The following RYR2 variants were observed in gnomAD, a reference collection of about 807,000 sequenced individuals.
RYR2 encodes the protein ryanodine receptor 2, also known as cardiac muscle ryanodine receptor-calcium release channel.
RYR2 carries 227 observed loss-of-function variants against 601.1 expected under a neutral mutation model. The ratio of observed to expected loss-of-function variants is 0.38; its 90% CI spans 0.34 to 0.42. The LOEUF is 0.42. Among genes scored for constraint, RYR2 ranks in the 10% least tolerant of loss-of-function variants. The probability of loss-of-function intolerance (pLI) is 1.00; values close to 1 mark genes in which losing one functional copy is unlikely to be tolerated. For missense variants in RYR2, 4,646 were observed against 6,156.5 expected (o/e 0.75, Z 8.21); for synonymous variants, 2,223 against 2,175.1 (o/e 1.02, Z -0.61).
At chr1:237,308,355 T>C (rs547103426) in intron 2 of RYR2, among the ~76,000 whole-genome samples, 2 of 152,332 alleles carry the variant, frequency 1.3e-5, no homozygotes, top group South Asian at 4.2e-4. Flanking sequence ...AACGTCCTAC[T>C]CTGTCTATGA....
intron 21 of RYR2, among the ~76,000 whole-genome samples, chr1:237,502,550 C>T (rs1004354708): frequency 2.0e-5 from 3 of 152,014 alleles, no homozygotes; most frequent in Non-Finnish European, 1.5e-5. Flanking sequence ...GGCCTTAGTT[C>T]GATTCTCATA....
intron 36 of RYR2, among the ~76,000 whole-genome samples, chr1:237,612,643 A>G (rs755234866): frequency 4.6e-5 from 7 of 151,766 alleles, no homozygotes; most frequent in Non-Finnish European, 8.8e-5. Context: ...TTTTCATCTG[A>G]TGATGTTTTT....
intron 2 of RYR2, among the ~76,000 whole-genome samples, chr1:237,323,309 A>T (rs1234182789): frequency 1.3e-5 from 2 of 152,124 alleles, no homozygotes; most frequent in African/African-American, 2.4e-5. Flanking sequence ...TAGTATCTTG[A>T]GGCTCAATTC....
intron 1 of RYR2, among the ~76,000 whole-genome samples, chr1:237,045,604 A>G (rs1660476460): frequency 6.6e-6 from 1 of 152,146 alleles, no homozygotes; most frequent in African/African-American, 2.4e-5. Flanking sequence ...TGAGAGAAAA[A>G]TCCTATCATA....
At chr1:237,794,807 C>G (rs1018131176) in intron 95 of RYR2, among the ~76,000 whole-genome samples, 1 of 152,174 alleles carries the variant, frequency 6.6e-6, no homozygotes, top group African/African-American at 2.4e-5. Flanking sequence ...AATTTCTAAG[C>G]AAGTCAGTCC....
intron 8 of RYR2, among the ~76,000 whole-genome samples, chr1:237,380,402 A>G (rs1348077873): frequency 1.6e-4 from 6 of 37,240 alleles, no homozygotes; most frequent in African/African-American, 5.0e-4. Flanking sequence ...ATATATATAT[A>G]TATATATATA....
chr1:237,109,884 G>A (rs946476870), intron 1 of RYR2, among the ~76,000 whole-genome samples: 5 of 151,966 alleles, frequency 3.3e-5, no homozygotes, highest in African/African-American at 9.7e-5. Context: ...TTCACTGAGC[G>A]TATGACCTGG....
Position 237,720,477 on chromosome 1 carries a change from A to T in RYR2, c.10554+1956A>T, listed in dbSNP as rs183757720. On this transcript the variant is annotated intron_variant, in intron 73 of 104. Coordinates refer to ENST00000366574, the MANE Select transcript of RYR2 (RefSeq NM_001035.3). ...TTACTAACAATTCTTTTAGAGTGAG[A>T]TTAATTACTATTAGAGTATGATCTC... Among the ~76,000 whole-genome samples the T allele has an allele frequency of 1.4e-4, 21 of 152,358 alleles. No individual in the cohort carries two copies. In the East Asian group the frequency reaches 3.3e-3, roughly 24 times the overall value.
In RYR2 at chr1:237,361,075, A is replaced by G. The variant is rs1348091386; in HGVS notation, c.295-3283A>G. ...AAGCTAGTCTTGCACTCCTGGGCTC[A>G]AGCAGATACTCCTGCCCTGGCCTCC... is the stretch of plus-strand genomic sequence containing the variant. On this transcript the variant is annotated intron_variant, in intron 4 of 104. Coordinates refer to ENST00000366574, the MANE Select transcript of RYR2 (RefSeq NM_001035.3). 2.0e-5 allele frequency among the ~76,000 whole-genome samples: 3 copies of G among 152,272 alleles called. No homozygotes were observed. In the East Asian group the frequency reaches 5.8e-4, roughly 29 times the overall value.
At chr1:237,796,900 T>G (rs1796910) in intron 96 of RYR2, among the ~76,000 whole-genome samples, 85,656 of 151,930 alleles carry the variant, frequency 0.56, 26,014 homozygotes, top group East Asian at 0.87. Context: ...TTCTCCTACC[T>G]CAGTCTCCCA....
At chr1:237,318,429 T>A (rs1027477344) in intron 2 of RYR2, among the ~76,000 whole-genome samples, 11 of 152,144 alleles carry the variant, frequency 7.2e-5, no homozygotes, top group African/African-American at 2.7e-4. Flanking sequence ...ATCCACACAT[T>A]TTCAATTTCT....
rs114656105 is a variant in RYR2, at chr1:237,661,743, A to G, written c.8436+796A>G. Among the ~76,000 whole-genome samples, 1,418 of 152,298 alleles carry G rather than the reference A, an allele frequency of 9.3e-3. 20 individuals carry two copies. The highest frequency in any genetic ancestry group is 0.032 in the African/African-American group (1,322 of 41,566). ...GGTATACAGCCACACAGGCAGAGCAAGAATTCACAGAAGATGTTGCTGCTG... is the reference window on the plus strand; with the variant it reads ...GGTATACAGCCACACAGGCAGAGCAGGAATTCACAGAAGATGTTGCTGCTG... On this transcript the variant is annotated intron_variant, in intron 56 of 104. Transcript: ENST00000366574.
chr1:237,670,117 T>G (rs1684778053), intron 58 of RYR2, among the ~76,000 whole-genome samples: 1 of 151,702 alleles, frequency 6.6e-6, no homozygotes, highest in Non-Finnish European at 1.5e-5. Context: ...CGAAACCCCG[T>G]CTCCACCAAA....
chr1:237,637,620 TG>T (rs1167064048), intron 44 of RYR2, among the ~76,000 whole-genome samples: 2 of 152,248 alleles, frequency 1.3e-5, no homozygotes, highest in African/African-American at 2.4e-5. Context: ...TTCTCACACC[TG>T]CTTCCCCATT....
chr1:237,171,889 C>G (rs1279575825), intron 1 of RYR2, among the ~76,000 whole-genome samples: 2 of 152,192 alleles, frequency 1.3e-5, no homozygotes, highest in Admixed American at 1.3e-4. Context: ...TGCTTTTACC[C>G]ACCGGTCTTT....
chr1:237,737,027 TTCTC>T (rs200844490), intron 79 of RYR2, among the ~76,000 whole-genome samples: 11,936 of 152,166 alleles, frequency 0.078, 622 homozygotes, highest in Non-Finnish European at 0.12. Flanking sequence ...AGCCTGGGTG[TTCTC>T]TGCAGCTGAA....
At chr1:237,214,523 A>G (rs1420311044) in intron 1 of RYR2, among the ~76,000 whole-genome samples, 1 of 152,150 alleles carries the variant, frequency 6.6e-6, no homozygotes, top group Non-Finnish European at 1.5e-5. Context: ...TCTCACAGGA[A>G]TGAATCCAGT....
At chr1:237,111,773 A>C (rs554895164) in intron 1 of RYR2, among the ~76,000 whole-genome samples, 1 of 152,234 alleles carries the variant, frequency 6.6e-6, no homozygotes, top group Non-Finnish European at 1.5e-5. Flanking sequence ...TGAGATTTGG[A>C]GGTCAGACAA....
chr1:237,218,099 A>G (rs1246496978), intron 1 of RYR2, among the ~76,000 whole-genome samples: 1 of 152,162 alleles, frequency 6.6e-6, no homozygotes, highest in Non-Finnish European at 1.5e-5. Flanking sequence ...TTGCCCTTCC[A>G]TTCAGGAAAC....
Sources: allele counts gnomAD v4.1 joint callset (sites outside exome capture counted in the v4.1 genomes callset), GRCh38; gene constraint gnomAD v4.1.1; transcripts MANE v1.5; gene names NCBI Gene and HGNC (gene_info 2026-07-23, HGNC 2026-07-21).